NF1: variants seen among roughly 807,000 people sequenced by gnomAD.
NF1 encodes neurofibromin.
NF1 carries 122 observed loss-of-function variants against 325.7 expected under a neutral mutation model. The ratio of observed to expected loss-of-function variants is 0.37; its 90% CI spans 0.32 to 0.44. The LOEUF is 0.44. Ranked by LOEUF, NF1 falls within the 20% of genes least tolerant of loss-of-function variation. NF1 has a pLI of 1.00. For missense variants in NF1, 2,140 were observed against 3,415.4 expected (o/e 0.63, Z 9.31); for synonymous variants, 1,091 against 1,186.0 (o/e 0.92, Z 1.65).
intron 56 of NF1, chr17:31,359,798 C>T (rs1369691600): frequency 1.3e-5 from 2 of 155,072 alleles, no homozygotes; most frequent in Non-Finnish European, 2.9e-5. Flanking sequence ...TGTAGTGCTA[C>T]ATAAGATGTA....
chr17:31,232,224 A>G (rs2151433980), intron 25 of NF1, 35 bp downstream of exon 25: 10 of 1,268,346 alleles, frequency 7.9e-6, no homozygotes, highest in African/African-American at 5.8e-5. Context: ...TAAAGCAAAA[A>G]GCAAATAAAG....
At chr17:31,196,159 GTA>G (rs1212623658) in intron 8 of NF1, among the ~76,000 whole-genome samples, 1 of 151,446 alleles carries the variant, frequency 6.6e-6, no homozygotes, top group Non-Finnish European at 1.5e-5. Flanking sequence ...ATTATCTTTA[GTA>G]TCCATGTTTG....
At position 31,235,615 on chromosome 17, in the gene NF1, A is replaced by C. The variant is rs2151437710; in HGVS notation, c.3713A>C (p.Glu1238Ala). 6.2e-7 allele frequency: 1 copy of C among 1,614,052 alleles called. No individual in the cohort carries two copies. Among genetic ancestry groups the C allele is most frequent in the Non-Finnish European group, 8.5e-7 (1 of 1,179,996 alleles). Residue 1238 changes from glutamate to alanine, a missense_variant, in exon 28 of 58, where the codon GAA (glutamate) becomes GCA (alanine). Coordinates refer to ENST00000358273, the MANE Select transcript of NF1 (RefSeq NM_001042492.3). The part of the protein sequence containing the change: ...ANVVPCSQWD[E>A]LARVLVTLFD... ...CTGATTTTGTTTTGTTCTCAGGATG[A>C]ACTAGCTCGAGTTCTGGTTACTCTG... is the stretch of plus-strand genomic sequence containing the variant.
chr17:31,207,641 G>A (rs992010441), intron 12 of NF1, among the ~76,000 whole-genome samples: 5 of 152,034 alleles, frequency 3.3e-5, no homozygotes, highest in Admixed American at 1.3e-4. Context: ...GTAATGCCAA[G>A]TACTTCACTT....
intron 30 of NF1, chr17:31,252,153 A>T (rs1057472202): frequency 2.1e-5 from 4 of 192,698 alleles, no homozygotes; most frequent in Admixed American, 2.0e-4. Context: ...ATATTTTGAT[A>T]AATGGTCAAC....
chr17:31,304,606 T>A, intron 36 of NF1: 1 of 1,614,142 alleles, frequency 6.2e-7, no homozygotes, highest in Non-Finnish European at 8.5e-7. Context: ...CAGATCTGCA[T>A]CATCTGAAGA....
intron 36 of NF1, chr17:31,304,261 A>G (rs61760178): frequency 6.3e-6 from 10 of 1,598,312 alleles, no homozygotes; most frequent in Non-Finnish European, 8.5e-6. Flanking sequence ...AAGTTGTAAT[A>G]TTTATAACAG....
At chr17:31,362,697 CT>C (rs1309810648) in intron 57 of NF1, among the ~76,000 whole-genome samples, 8 of 152,204 alleles carry the variant, frequency 5.3e-5, no homozygotes, top group African/African-American at 1.9e-4. Context: ...CTTAACCAAG[CT>C]TTTGCCTTTT....
At position 31,349,202 on chromosome 17, in the gene NF1, A is replaced by C. The variant is rs139997141; in HGVS notation, c.7272A>C (p.Arg2424Ser). ...TACTAACTCTGGTTAACAAACACAG[A>C]AATTGTGACAAATTTGAAGTGAATA... ...HTLLTLVNKH[R>S]NCDKFEVNTQ... Residue 2424 changes from arginine (R) to serine (S), a missense_variant, in exon 49 of 58, where the codon AGA becomes AGC. Physicochemically the swap from Arg to Ser is moderately radical, Grantham distance 110. Transcript: ENST00000358273. 6.2e-7 allele frequency: 1 copy of C among 1,613,712 alleles called. No individual in the cohort carries two copies. Among genetic ancestry groups the C allele is most frequent in the Non-Finnish European group, 8.5e-7 (1 of 1,179,838 alleles).
intron 37 of NF1, 83 bp downstream of exon 37, chr17:31,326,335 A>G (rs1458226678): frequency 1.5e-6 from 2 of 1,344,202 alleles, no homozygotes; most frequent in Non-Finnish European, 2.1e-6. Context: ...TAGGTGTCCT[A>G]CCCCTATAGT....
In NF1 at chr17:31,337,849, T is replaced by A; in HGVS notation, c.6673T>A (p.Trp2225Arg). Residue 2225 changes from tryptophan to arginine, a missense_variant, in exon 44 of 58, where the codon TGG (tryptophan) becomes AGG (arginine). Transcript: ENST00000358273. ...ACMRDIPTCK[W>R]LDQWTELAQR... Reference sequence around the variant, plus strand: ...CATGAGAGATATTCCAACGTGCAAGTGGCTGGACCAGTGGACAGAACTAGC... The same window carrying A: ...CATGAGAGATATTCCAACGTGCAAGAGGCTGGACCAGTGGACAGAACTAGC... The A allele has an allele frequency of 6.2e-7, 1 of 1,614,056 alleles. No individual in the cohort carries two copies. Among genetic ancestry groups the A allele is most frequent in the Admixed American group, 1.7e-5 (1 of 60,016 alleles).
rs1256727206 is a variant in NF1 at position 31,248,998 on chromosome 17, A to C, written c.3989A>C (p.Glu1330Ala). The part of the protein sequence containing the change: ...EVDPTRLEPS[E>A]SLEENQRNLL... The stretch of plus-strand genomic sequence containing the variant: ...TTTTTTTGTAGGTTAGAACCATCAG[A>C]GAGCCTTGAGGAAAACCAGCGGAAC... Residue 1330 changes from glutamate to alanine, a missense_variant, in exon 30 of 58, where the codon GAG (glutamate) becomes GCG (alanine). Transcript: ENST00000358273. 10 of 1,614,002 alleles carry C rather than the reference A, an allele frequency of 6.2e-6. No homozygotes were observed. The highest frequency in any genetic ancestry group is 8.5e-6 in the Non-Finnish European group (10 of 1,179,980).
intron 36 of NF1, among the ~76,000 whole-genome samples, chr17:31,323,882 C>T (rs2069276822): frequency 6.6e-6 from 1 of 152,020 alleles, no homozygotes; most frequent in African/African-American, 2.4e-5. Context: ...TCTGCATTTC[C>T]TTTGATAAGT....
At chr17:31,116,133 C>A (rs1462756230) in intron 1 of NF1, among the ~76,000 whole-genome samples, 1 of 151,978 alleles carries the variant, frequency 6.6e-6, no homozygotes, top group Admixed American at 6.6e-5. Context: ...TGAAATCTAC[C>A]AGATAGAAAT....
intron 3 of NF1, among the ~76,000 whole-genome samples, chr17:31,161,234 C>T (rs2065756174): frequency 6.6e-6 from 1 of 152,120 alleles, no homozygotes; most frequent in Non-Finnish European, 1.5e-5. Context: ...TTTAATACTT[C>T]TTAGATTTTT....
intron 5 of NF1, among the ~76,000 whole-genome samples, chr17:31,178,421 A>G (rs555993014): frequency 2.0e-5 from 3 of 152,360 alleles, no homozygotes; most frequent in East Asian, 3.9e-4. Flanking sequence ...AACATAACAA[A>G]TTGTAAAGAC....
At chr17:31,345,404 C>T (rs1262598248) in intron 48 of NF1, 8 of 1,237,096 alleles carry the variant, frequency 6.5e-6, no homozygotes, top group South Asian at 3.2e-5. Context: ...GCCGGCGAGT[C>T]CCAGTGAGAG....
intron 22 of NF1, 48 bp from the exon 23 acceptor site, chr17:31,230,212 C>T (rs762819888): frequency 1.2e-6 from 2 of 1,601,338 alleles, no homozygotes; most frequent in Admixed American, 1.7e-5. Context: ...AATGCCTTCT[C>T]TTTTGTCTAT....
At chr17:31,194,386 A>T (rs1170539499) in intron 8 of NF1, among the ~76,000 whole-genome samples, 1 of 152,112 alleles carries the variant, frequency 6.6e-6, no homozygotes, top group Non-Finnish European at 1.5e-5. Context: ...GCTGGGAAGG[A>T]TAGGGTGCGG....
Sources: gnomAD v4.1 joint callset for allele counts (sites outside exome capture counted in the v4.1 genomes callset) on GRCh38, gnomAD v4.1.1 for gene constraint, MANE v1.5 for transcripts, NCBI Gene and HGNC (gene_info 2026-07-23, HGNC 2026-07-21) for gene names.